Variants in DPP6 observed in about 807,000 individuals in gnomAD.
DPP6 encodes the protein A-type potassium channel modulatory protein DPP6.
Under a neutral mutation model 122.6 loss-of-function variants are expected in DPP6, and 69 were observed. The observed-to-expected ratio is 0.56, with a 90% CI of 0.46 to 0.69. DPP6 has a LOEUF of 0.69. Ranked by LOEUF, DPP6 falls within the 30% of genes least tolerant of loss-of-function variation. The pLI, the probability that DPP6 is intolerant of heterozygous loss-of-function variation, is 0.00. For synonymous variants in DPP6, 418 were observed against 433.1 expected, an observed-to-expected ratio of 0.97 and a Z score of 0.43; for missense variants, 928 against 1,116.9, an observed-to-expected ratio of 0.83 and a Z score of 2.41.
intron 1 of DPP6, among the ~76,000 whole-genome samples, chr7:154,435,178 G>T (rs752826879): frequency 3.6e-4 from 55 of 152,054 alleles, no homozygotes; most frequent in Non-Finnish European, 7.1e-4. Flanking sequence ...CATTAATTAT[G>T]TTTGTGTGAG....
chr7:154,510,736 C>T (rs987032368), intron 3 of DPP6, among the ~76,000 whole-genome samples: 4 of 151,392 alleles, frequency 2.6e-5, no homozygotes, highest in African/African-American at 9.7e-5. Context: ...AACAGAACTG[C>T]CAGGTAATAT....
intron 17 of DPP6, among the ~76,000 whole-genome samples, chr7:154,860,730 C>T (rs1056638411): frequency 2.0e-5 from 3 of 152,206 alleles, no homozygotes; most frequent in Non-Finnish European, 2.9e-5. Flanking sequence ...CAGCAGCAGG[C>T]GACTGGGTGG....
intron 1 of DPP6, among the ~76,000 whole-genome samples, chr7:154,218,570 A>G (rs181022448): frequency 3.3e-4 from 50 of 152,308 alleles, no homozygotes; most frequent in Non-Finnish European, 6.8e-4. Flanking sequence ...CTCTTTGTGT[A>G]TGATCACATT....
chr7:154,587,722 G>A, intron 5 of DPP6: 2 of 1,557,408 alleles, frequency 1.3e-6, no homozygotes, highest in Non-Finnish European at 1.7e-6. Context: ...AGTAAGTCAA[G>A]CCTGTAGCCC....
chr7:154,581,513 G>GGAGGAGAAGC (rs1199206940), intron 5 of DPP6, among the ~76,000 whole-genome samples: 2 of 152,222 alleles, frequency 1.3e-5, no homozygotes, highest in East Asian at 3.9e-4. Context: ...GGGTTTCACA[G>GGAGGAGAAGC]GAGGAGAAGC....
chr7:154,178,414 C>T (rs1291739490), intron 1 of DPP6, among the ~76,000 whole-genome samples: 1 of 150,604 alleles, frequency 6.6e-6, no homozygotes, highest in East Asian at 1.9e-4. Flanking sequence ...AAGCCAAAAA[C>T]CACAAGAAGG....
At chr7:154,490,175 C>T (rs1308017541) in intron 3 of DPP6, among the ~76,000 whole-genome samples, 1 of 152,202 alleles carries the variant, frequency 6.6e-6, no homozygotes, top group Non-Finnish European at 1.5e-5. Flanking sequence ...AAAACATGCC[C>T]AAAGTCCAGT....
rs79234172 is a variant in DPP6 at position 154,241,375 on chromosome 7, T to C, written c.243+188312T>C. Reference sequence around the variant, plus strand: ...CCCTGTTTTATCCAAATTCTCAGTGTTTTTAAAGATCCCATTCTGGCAGGT... The same window carrying C: ...CCCTGTTTTATCCAAATTCTCAGTGCTTTTAAAGATCCCATTCTGGCAGGT... On this transcript the variant is annotated intron_variant, in intron 1 of 25. Coordinates refer to ENST00000377770, the MANE Select transcript of DPP6 (RefSeq NM_130797.4). This position sits in a 1 kb window ranked among gnomAD's most constrained non-coding sequence, Gnocchi z 9.0. Among the ~76,000 whole-genome samples, 3,273 of 152,174 alleles carry C rather than the reference T, an allele frequency of 0.022. 122 individuals carry two copies. Among genetic ancestry groups the C allele is most frequent in the African/African-American group, 0.073 (3,038 of 41,502 alleles).
intron 7 of DPP6, among the ~76,000 whole-genome samples, chr7:154,716,320 C>G (rs901403907): frequency 1.3e-5 from 2 of 152,178 alleles, no homozygotes; most frequent in South Asian, 2.1e-4. Flanking sequence ...ACCTGTCCCC[C>G]ACTCTTGCTG....
intron 1 of DPP6, among the ~76,000 whole-genome samples, chr7:154,253,685 A>G (rs1189001784): frequency 1.3e-5 from 2 of 152,232 alleles, no homozygotes; most frequent in African/African-American, 4.8e-5. Flanking sequence ...GATGATAATG[A>G]TAATGTGCTC....
intron 5 of DPP6, among the ~76,000 whole-genome samples, chr7:154,620,206 T>C (rs1586747216): frequency 6.6e-6 from 1 of 152,126 alleles, no homozygotes; most frequent in African/African-American, 2.4e-5. Flanking sequence ...TCTGGGAAAA[T>C]GTAAAAAGAA....
At chr7:154,243,576 A>G (rs1236022470) in intron 1 of DPP6, among the ~76,000 whole-genome samples, 1 of 152,158 alleles carries the variant, frequency 6.6e-6, no homozygotes, top group African/African-American at 2.4e-5. Flanking sequence ...TGGGCAGATC[A>G]CGAGGTCAGG....
At chr7:153,872,764 G>T in the DPP6 span, among the ~76,000 whole-genome samples, 17 of 152,294 alleles carry the variant, frequency 1.1e-4, no homozygotes, top group Admixed American at 1.1e-3. Context: ...AAATAATCCA[G>T]TACCAAAGCT....
At chr7:153,968,993 C>A (rs146232005) in intron 1 of DPP6, among the ~76,000 whole-genome samples, 33 of 151,480 alleles carry the variant, frequency 2.2e-4, no homozygotes, top group Admixed American at 1.6e-3. Context: ...TTTTATTTAT[C>A]TGTTGATCAA....
rs116441441 is a variant in DPP6 at position 154,011,419 on chromosome 7, G to A, written c.51+123685G>A. Among the ~76,000 whole-genome samples, 1,304 of 152,248 alleles carry A rather than the reference G, an allele frequency of 8.6e-3. 16 individuals are homozygous for A. The highest frequency in any genetic ancestry group is 0.028 in the African/African-American group (1,174 of 41,544). Reference sequence around the variant, plus strand: ...TCTGAGTGAACCCTGTCTTTGGGCCGTTCCATTGCACAATAGGCAGTTGAA... The same window carrying A: ...TCTGAGTGAACCCTGTCTTTGGGCCATTCCATTGCACAATAGGCAGTTGAA... On this transcript the variant is annotated intron_variant, in intron 1 of 25. Transcript: ENST00000404039.
chr7:153,794,647 T>A, the DPP6 span, among the ~76,000 whole-genome samples: 1 of 152,106 alleles, frequency 6.6e-6, no homozygotes, highest in Non-Finnish European at 1.5e-5. Flanking sequence ...GGTTTTGATA[T>A]GTGAGGACAT....
intron 1 of DPP6, among the ~76,000 whole-genome samples, chr7:154,404,717 C>T (rs932918566): frequency 5.3e-5 from 8 of 152,210 alleles, no homozygotes; most frequent in African/African-American, 1.2e-4. Flanking sequence ...ATAAAATGGA[C>T]TCCTCTCAAT....
At chr7:154,492,137 G>A (rs1824330539) in intron 3 of DPP6, among the ~76,000 whole-genome samples, 1 of 152,154 alleles carries the variant, frequency 6.6e-6, no homozygotes, top group Non-Finnish European at 1.5e-5. Context: ...AATAAGACAA[G>A]CTTTGTACCT....
chr7:153,806,926 G>T, the DPP6 span, among the ~76,000 whole-genome samples: 1 of 151,886 alleles, frequency 6.6e-6, no homozygotes, highest in African/African-American at 2.4e-5. Context: ...ATGTTCTAGG[G>T]ATTAGATTTG....
Sources: allele counts gnomAD v4.1 joint callset (sites outside exome capture counted in the v4.1 genomes callset), GRCh38; gene constraint gnomAD v4.1.1; non-coding constraint Gnocchi (gnomAD v3.1); transcripts MANE v1.5; gene names NCBI Gene and HGNC (gene_info 2026-07-23, HGNC 2026-07-21).